TXNDC11: variants seen among roughly 807,000 people sequenced by gnomAD.
TXNDC11 encodes thioredoxin domain containing 11.
Under a neutral mutation model 78.0 loss-of-function variants are expected in TXNDC11, and 68 were observed. That is an observed-to-expected ratio of 0.87 (90% CI 0.72 to 1.07). TXNDC11 has a LOEUF of 1.07. Ranked by LOEUF, TXNDC11 falls within the 50% of genes least tolerant of loss-of-function variation. The pLI is 0.00. For missense variants in TXNDC11, 1,389 were observed against 1,221.8 expected, an observed-to-expected ratio of 1.14 and a Z score of -2.04; for synonymous variants, 571 against 495.2, an observed-to-expected ratio of 1.15 and a Z score of -2.03.
chr16:11,692,175 TC>T, intron 7 of TXNDC11, 93 bp from the exon 8 acceptor site: 1 of 1,017,914 alleles, frequency 9.8e-7, no homozygotes, highest in Non-Finnish European at 1.4e-6. Flanking sequence ...ATTTCAGTTA[TC>T]CATGGTCAAC....
intron 4 of TXNDC11, among the ~76,000 whole-genome samples, chr16:11,725,577 T>C (rs2051852201): frequency 6.6e-6 from 1 of 152,178 alleles, no homozygotes. Context: ...TGTCGTCCAG[T>C]CTCCATGTAG....
chr16:11,731,718 T>C (rs2052056715), intron 3 of TXNDC11, among the ~76,000 whole-genome samples: 2 of 148,080 alleles, frequency 1.4e-5, no homozygotes, highest in East Asian at 2.0e-4. Context: ...CACACACACG[T>C]GATGGGATAA....
intron 5 of TXNDC11, among the ~76,000 whole-genome samples, chr16:11,715,177 G>A (rs540673285): frequency 9.2e-5 from 14 of 152,148 alleles, no homozygotes; most frequent in East Asian, 3.8e-4. Flanking sequence ...GCTTGAACCC[G>A]GGAGGCGGAG....
chr16:11,723,592 AAAAC>A (rs1416365690), intron 4 of TXNDC11, among the ~76,000 whole-genome samples: 5 of 152,110 alleles, frequency 3.3e-5, no homozygotes, highest in African/African-American at 9.7e-5. Flanking sequence ...CTTAAAACAA[AAAAC>A]AAACAAAAAA....
chr16:11,697,182 A>T (rs977217412), intron 7 of TXNDC11, among the ~76,000 whole-genome samples: 1 of 152,168 alleles, frequency 6.6e-6, no homozygotes, highest in Non-Finnish European at 1.5e-5. Flanking sequence ...CATTCAGAAT[A>T]CTCCCCAGAG....
chr16:11,726,477 G>C (rs916038573), intron 4 of TXNDC11, among the ~76,000 whole-genome samples: 1 of 151,252 alleles, frequency 6.6e-6, no homozygotes, highest in South Asian at 2.1e-4. Flanking sequence ...CTACTCAGGA[G>C]GCTGAGGCAG....
chr16:11,724,939 G>T (rs1260602677), intron 4 of TXNDC11, among the ~76,000 whole-genome samples: 4 of 152,108 alleles, frequency 2.6e-5, no homozygotes, highest in Non-Finnish European at 5.9e-5. Context: ...TAGAGACGAG[G>T]TTTCACCATG....
Position 11,679,805 on chromosome 16 carries a change from A to C in TXNDC11, c.2267T>G (p.Val756Gly), listed in dbSNP as rs2050373643. The C allele has an allele frequency of 6.2e-7, 1 of 1,613,518 alleles. No individual in the cohort carries two copies. Residue 756 changes from valine to glycine, a missense_variant, in exon 12 of 12, where the codon GTC becomes GGC. Val to Gly is a moderately radical substitution (Grantham distance 109). Transcript: ENST00000283033. The surrounding 1 kb of genome is among the most constrained non-coding windows in gnomAD (Gnocchi z 4.6). ...CAACAGGTTTGGAAGGGTGATGGGG[A>C]CGTCTTCGGGGTATTTCACACTTAG... is the stretch of plus-strand genomic sequence containing the variant. ...KDLSVKYPEDVPITLPNLLRF... is the reference protein window; with the variant it reads ...KDLSVKYPEDGPITLPNLLRF...
At chr16:11,709,532 T>A (rs2051281522) in intron 5 of TXNDC11, among the ~76,000 whole-genome samples, 1 of 144,926 alleles carries the variant, frequency 6.9e-6, no homozygotes, top group Non-Finnish European at 1.5e-5. Context: ...CCTCCCGGGT[T>A]CACGCCATTC....
At chr16:11,693,874 A>G (rs1228048521) in intron 7 of TXNDC11, among the ~76,000 whole-genome samples, 3 of 152,204 alleles carry the variant, frequency 2.0e-5, no homozygotes, top group East Asian at 1.9e-4. Flanking sequence ...AAGACGCAGT[A>G]ATAGACAACT....
intron 7 of TXNDC11, among the ~76,000 whole-genome samples, chr16:11,693,220 G>A (rs529779490): frequency 6.6e-6 from 1 of 152,310 alleles, no homozygotes; most frequent in Admixed American, 6.5e-5. Context: ...CTGTCTTGGT[G>A]AGATTTGCCA....
intron 9 of TXNDC11, 63 bp from the exon 10 acceptor site, chr16:11,688,029 C>T (rs575515224): frequency 1.3e-4 from 170 of 1,291,092 alleles, no homozygotes; most frequent in Non-Finnish European, 1.7e-4. Context: ...CATTTCTTTC[C>T]TCATTGCTTA....
chr16:11,730,048 T>G (rs1474302654), intron 4 of TXNDC11, among the ~76,000 whole-genome samples: 2 of 152,154 alleles, frequency 1.3e-5, no homozygotes, highest in African/African-American at 4.8e-5. Flanking sequence ...GAGCTGAGAT[T>G]GCACTCCAGC....
At position 11,688,356 on chromosome 16, in the gene TXNDC11, A is replaced by T. The variant is rs749586266; in HGVS notation, c.1990T>A (p.Leu664Ile). 6.2e-6 allele frequency: 10 copies of T among 1,614,192 alleles called. No homozygotes were observed. Among genetic ancestry groups the T allele is most frequent in the Non-Finnish European group, 8.5e-6 (10 of 1,180,028 alleles). The change falls in exon 9 of 12, where the codon TTA becomes ATA. Residue 664 changes from leucine (L) to isoleucine (I), a missense_variant. Transcript: ENST00000283033. The part of the protein sequence containing the change: ...SGSAQFPSQH[L>I]ITEVTTDTFW... Reference sequence around the variant, plus strand: ...GTATCAGTTGTCACTTCAGTGATTAAATGCTGAGACGGGAACTGGGCAGAG... The same window carrying T: ...GTATCAGTTGTCACTTCAGTGATTATATGCTGAGACGGGAACTGGGCAGAG...
intron 4 of TXNDC11, among the ~76,000 whole-genome samples, chr16:11,724,040 A>G (rs531433156): frequency 5.3e-5 from 8 of 152,324 alleles, no homozygotes; most frequent in African/African-American, 1.9e-4. Flanking sequence ...AGCAGCACTC[A>G]CGCCTGTAAT....
At chr16:11,687,329 A>C (rs908243313) in intron 10 of TXNDC11, among the ~76,000 whole-genome samples, 7 of 151,986 alleles carry the variant, frequency 4.6e-5, no homozygotes, top group Admixed American at 6.6e-5. Flanking sequence ...ACTGCTTACT[A>C]CCCCATCTAA....
intron 5 of TXNDC11, among the ~76,000 whole-genome samples, chr16:11,704,257 A>T (rs1016350275): frequency 6.6e-6 from 1 of 152,212 alleles, no homozygotes; most frequent in African/African-American, 2.4e-5. Context: ...ATGACTCCAT[A>T]ATAATATTAA....
rs780033788 is a variant in TXNDC11 at position 11,698,214 on chromosome 16, G to C, written c.1018C>G (p.Leu340Val). The stretch of plus-strand genomic sequence containing the variant: ...CCTTTCTTCAGCTCGTTATTCAGCA[G>C]GAGACTCTTGCCTCCGTGTGGCCGC... Reference protein sequence around the residue: ...WLRPHGGKSLLLNNELKKGPA... With the variant: ...WLRPHGGKSLVLNNELKKGPA... The change falls in exon 7 of 12, where the codon CTG (leucine) becomes GTG (valine). Residue 340 changes from leucine (L) to valine (V), a missense_variant. Coordinates refer to ENST00000283033, the MANE Select transcript of TXNDC11 (RefSeq NM_015914.7). 5 of 1,614,240 alleles carry C rather than the reference G, an allele frequency of 3.1e-6. No homozygotes were observed. Among genetic ancestry groups the C allele is most frequent in the Middle Eastern group, 1.6e-4 (1 of 6,062 alleles).
At chr16:11,694,406 G>C (rs1020769101) in intron 7 of TXNDC11, among the ~76,000 whole-genome samples, 1 of 151,420 alleles carries the variant, frequency 6.6e-6, no homozygotes, top group African/African-American at 2.4e-5. Flanking sequence ...TCCCAGGGCT[G>C]TAATCCCACT....
Sources: allele counts gnomAD v4.1 joint callset (sites outside exome capture counted in the v4.1 genomes callset), GRCh38; gene constraint gnomAD v4.1.1; non-coding constraint Gnocchi (gnomAD v3.1); transcripts MANE v1.5; gene names NCBI Gene and HGNC (gene_info 2026-07-23, HGNC 2026-07-21).